DGKK: variants seen among roughly 807,000 people sequenced by gnomAD.
The protein encoded by DGKK is 142 kDa diacylglycerol kinase.
DGKK carries 35 observed loss-of-function variants against 92.2 expected under a neutral mutation model. The observed-to-expected ratio is 0.38, with a 90% CI of 0.29 to 0.50. The LOEUF is 0.50. Ranked by LOEUF, DGKK falls within the 20% of genes least tolerant of loss-of-function variation. The pLI is 0.92. For missense variants in DGKK, 910 were observed against 992.2 expected (o/e 0.92, Z 1.11); for synonymous variants, 368 against 360.6 (o/e 1.02, Z -0.23).
chrX:50,428,711 G>A (rs1333431707), intron 1 of DGKK, among the ~76,000 whole-genome samples: 1 of 111,715 alleles, frequency 9.0e-6, no homozygotes, highest in African/African-American at 3.3e-5. Context: ...TGTGTCATCA[G>A]CTCTGAACTT....
At chrX:50,393,382 G>A (rs1557225790) in intron 8 of DGKK, 47 bp from the exon 9 acceptor site, 1 of 1,060,172 alleles carries the variant, frequency 9.4e-7, no homozygotes, top group Non-Finnish European at 1.3e-6. Flanking sequence ...CGGACCCGTT[G>A]AGATGGAAAC....
At chrX:50,454,460 C>T (rs1472560735) in intron 1 of DGKK, among the ~76,000 whole-genome samples, 2 of 111,273 alleles carry the variant, frequency 1.8e-5, no homozygotes, top group African/African-American at 6.5e-5. Context: ...TTGTTCCCTT[C>T]CAATCTATCC....
Position 50,449,483 on chromosome X carries a change from T to G in DGKK, c.645+20551A>C, listed in dbSNP as rs377508600. On this transcript the variant is annotated intron_variant, in intron 1 of 27. Transcript: ENST00000611977. ...CAAGGCGGACTAATTTATTGTTTAT[T>G]TTTCCTCCCTCTGCGCAGAGATAGA... is the stretch of plus-strand genomic sequence containing the variant. Among the ~76,000 whole-genome samples, 27 of 111,387 alleles carry G rather than the reference T, an allele frequency of 2.4e-4. No individual in the cohort carries two copies. The South Asian group carries it at 0.01, about 43-fold the overall frequency.
At chrX:50,384,916 ATTAATTACAC>A (rs1401456578) in intron 15 of DGKK, 92 bp from the exon 16 acceptor site, 8 of 630,042 alleles carry the variant, frequency 1.3e-5, no homozygotes, top group Admixed American at 8.4e-5. Flanking sequence ...GGAAGGAAAG[ATTAATTACAC>A]TTATTGAACA....
At chrX:50,420,276 T>G (rs782648187) in intron 4 of DGKK, 127 bp downstream of exon 4, 84 of 569,275 alleles carry the variant, frequency 1.5e-4, no homozygotes, top group Admixed American at 4.5e-4. Context: ...AGGTTTTCTG[T>G]CTATAATTCC....
chrX:50,390,703 G>A (rs956546893), intron 11 of DGKK, among the ~76,000 whole-genome samples: 9 of 111,607 alleles, frequency 8.1e-5, no homozygotes, highest in Admixed American at 1.9e-4. Flanking sequence ...AGGTGCTTTT[G>A]TACAATACAC....
chrX:50,379,705 G>T lies in DGKK; in HGVS notation c.2784C>A (p.Asn928Lys). ...ECDGETISLP[N>K]LQGIVVLNIT... Reference sequence around the variant, plus strand: ...TGTTGAGCACTACAATGCCTTGCAGGTTTGGCAAGGAGATGGTTTCTCCAT... The same window carrying T: ...TGTTGAGCACTACAATGCCTTGCAGTTTTGGCAAGGAGATGGTTTCTCCAT... The change falls in exon 20 of 28, where the codon AAC (asparagine) becomes AAA (lysine). Residue 928 changes from asparagine to lysine, a missense_variant. Asn to Lys is a moderately conservative substitution (Grantham distance 94, BLOSUM62 0). Coordinates refer to ENST00000611977, the MANE Select transcript of DGKK (RefSeq NM_001013742.4). 3 of 1,210,604 alleles carry T rather than the reference G, an allele frequency of 2.5e-6. No individual in the cohort carries two copies. Among genetic ancestry groups the T allele is most frequent in the Non-Finnish European group, 3.4e-6 (3 of 894,481 alleles).
rs1419042202 is a variant in DGKK, at chrX:50,391,455, C to T, written c.1826G>A (p.Ser609Asn). The T allele has an allele frequency of 8.3e-7, 1 of 1,211,480 alleles. No homozygotes were observed. The highest frequency in any genetic ancestry group is 1.1e-6 in the Non-Finnish European group (1 of 895,174). The change falls in exon 11 of 28, where the codon AGT becomes AAT. Residue 609 changes from serine to asparagine, a missense_variant. Coordinates refer to ENST00000611977, the MANE Select transcript of DGKK (RefSeq NM_001013742.4). ...CACTTACCTGTCTAGGATCCTCACA[C>T]TAGCCTGCTCCACTCTGTTGAGGAT... ...LDILNRVEQA[S>N]VRILDRWSVM... is the part of the protein sequence containing the mutation.
intron 1 of DGKK, among the ~76,000 whole-genome samples, chrX:50,435,389 A>C: frequency 8.9e-6 from 1 of 112,161 alleles, no homozygotes; most frequent in African/African-American, 3.2e-5. Flanking sequence ...GTACATGTTT[A>C]CTCCTGAGCT....
chrX:50,381,048 TAGGATAG>T (rs1557224392), intron 18 of DGKK, among the ~76,000 whole-genome samples: 1 of 112,061 alleles, frequency 8.9e-6, no homozygotes, highest in African/African-American at 3.2e-5. Flanking sequence ...GGTACTTGCA[TAGGATAG>T]ACACATAAAT....
chrX:50,445,761 C>T (rs903727805), intron 1 of DGKK, among the ~76,000 whole-genome samples: 3 of 111,103 alleles, frequency 2.7e-5, no homozygotes, highest in Admixed American at 9.6e-5. Flanking sequence ...CTTGGCTATT[C>T]GGGCTCCTTT....
At chrX:50,464,202 ACTT>A (rs1816299913) in intron 1 of DGKK, among the ~76,000 whole-genome samples, 1 of 104,885 alleles carries the variant, frequency 9.5e-6, no homozygotes, top group African/African-American at 3.5e-5. Context: ...ACATTGAAGT[ACTT>A]CTTCTCTTTA....
intron 2 of DGKK, among the ~76,000 whole-genome samples, chrX:50,423,485 G>A (rs890456855): frequency 8.9e-6 from 1 of 111,965 alleles, no homozygotes; most frequent in African/African-American, 3.2e-5. Context: ...AAGCCCTATT[G>A]TATTCTTTCT....
intron 1 of DGKK, among the ~76,000 whole-genome samples, chrX:50,431,397 C>T (rs1925884128): frequency 9.0e-6 from 1 of 111,061 alleles, no homozygotes; most frequent in African/African-American, 3.3e-5. Flanking sequence ...CTGTTATAAG[C>T]CAAGTTGAAT....
At chrX:50,447,532 G>T (rs1258199984) in intron 1 of DGKK, among the ~76,000 whole-genome samples, 1 of 95,764 alleles carries the variant, frequency 1.0e-5, no homozygotes, top group Non-Finnish European at 2.1e-5. Flanking sequence ...CAGTAAACTG[G>T]AACTCACTGC....
chrX:50,415,745 A>G (rs1390334345), intron 4 of DGKK, among the ~76,000 whole-genome samples: 2 of 111,341 alleles, frequency 1.8e-5, no homozygotes, highest in African/African-American at 6.5e-5. Context: ...TCCCATGCCT[A>G]GTTCACCATT....
intron 1 of DGKK, among the ~76,000 whole-genome samples, chrX:50,450,460 A>G (rs1231992324): frequency 4.5e-5 from 5 of 111,716 alleles, no homozygotes; most frequent in Non-Finnish European, 9.4e-5. Context: ...GCAGCTTTCC[A>G]CTGTATACAG....
rs963409708 is a variant in DGKK, at chrX:50,368,786, A to T, written c.*154T>A. The T allele has an allele frequency of 1.3e-5, 6 of 455,461 alleles. No homozygotes were observed. Among genetic ancestry groups the T allele is most frequent in the Non-Finnish European group, 2.2e-5 (6 of 272,032 alleles). The allele number at this position is 455,461 out of a possible 1,213,427, so 37.5% of individuals were successfully genotyped here. Reference sequence around the variant, plus strand: ...TGTAAACCTCTAAGGAGACCAGATTAAGTCCAGGAAAATGCATTAGTGAAA... The same window carrying T: ...TGTAAACCTCTAAGGAGACCAGATTTAGTCCAGGAAAATGCATTAGTGAAA... On this transcript the variant is annotated 3_prime_UTR_variant, in exon 28 of 28. Coordinates refer to ENST00000611977, the MANE Select transcript of DGKK (RefSeq NM_001013742.4).
At chrX:50,402,034 A>G (rs1360193515) in intron 7 of DGKK, among the ~76,000 whole-genome samples, 1 of 111,509 alleles carries the variant, frequency 9.0e-6, no homozygotes, top group African/African-American at 3.3e-5. Flanking sequence ...ATGTCTCCAC[A>G]CACTGACAAA....
Sources: allele counts gnomAD v4.1 joint callset (sites outside exome capture counted in the v4.1 genomes callset), GRCh38; gene constraint gnomAD v4.1.1; transcripts MANE v1.5; gene names NCBI Gene and HGNC (gene_info 2026-07-23, HGNC 2026-07-21).